Variants in PLD5 observed in about 807,000 individuals in gnomAD.
PLD5 encodes phospholipase D family member 5.
PLD5 carries 36 observed loss-of-function variants against 61.1 expected under a neutral mutation model. That is an observed-to-expected ratio of 0.59 (90% CI 0.45 to 0.78). The LOEUF is 0.78. PLD5 is among the 30% of genes least tolerant of loss of function. PLD5 has a pLI of 0.00. For missense variants in PLD5, 515 were observed against 644.4 expected, an observed-to-expected ratio of 0.80 and a Z score of 2.17; for synonymous variants, 243 against 242.8, an observed-to-expected ratio of 1.00 and a Z score of -0.01.
At chr1:242,318,368 C>T (rs1178142960) in intron 2 of PLD5, among the ~76,000 whole-genome samples, 1 of 152,172 alleles carries the variant, frequency 6.6e-6, no homozygotes, top group African/African-American at 2.4e-5. Context: ...TTTCCGACTC[C>T]TCTGCTGTCA....
chr1:242,405,532 T>C (rs1664187238), intron 1 of PLD5, among the ~76,000 whole-genome samples: 1 of 152,026 alleles, frequency 6.6e-6, no homozygotes, highest in African/African-American at 2.4e-5. Context: ...TGCTATTTCA[T>C]CCCAGACACC....
intron 1 of PLD5, among the ~76,000 whole-genome samples, chr1:242,423,765 G>A (rs12031714): frequency 0.066 from 10,096 of 152,114 alleles, 421 homozygotes; most frequent in African/African-American, 0.11. Flanking sequence ...TAGGCTCCAC[G>A]AGAAGGTCAT....
At chr1:242,413,614 A>G (rs149431100) in intron 1 of PLD5, among the ~76,000 whole-genome samples, 12 of 152,312 alleles carry the variant, frequency 7.9e-5, no homozygotes, top group South Asian at 4.1e-4. Context: ...GCATCTACAT[A>G]TAAGTTTAAT....
rs1317437701 is a variant in PLD5, at chr1:242,524,188, G to C, written c.89C>G (p.Ser30Cys). Residue 30 changes from serine to cysteine, a missense_variant, in exon 1 of 10, where the codon TCC becomes TGC. Physicochemically the swap from Ser to Cys is moderately radical, Grantham distance 112. Transcript: ENST00000536534. Reference sequence around the variant, plus strand: ...CGCGCCCACTCGGGTCAGGCTTGGGGAGGGCTCCTTGGGGCGGCTTTTGAG... The same window carrying C: ...CGCGCCCACTCGGGTCAGGCTTGGGCAGGGCTCCTTGGGGCGGCTTTTGAG... ...MRLKSRPKEP[S>C]PSLTRVGANF... 1 of 1,534,618 alleles carries C rather than the reference G, an allele frequency of 6.5e-7. No individual in the cohort carries two copies. Among genetic ancestry groups the C allele is most frequent in the Non-Finnish European group, 8.7e-7 (1 of 1,146,156 alleles).
intron 1 of PLD5, among the ~76,000 whole-genome samples, chr1:242,488,710 G>A (rs900904656): frequency 3.9e-5 from 6 of 152,026 alleles, no homozygotes; most frequent in Admixed American, 1.3e-4. Flanking sequence ...CACAATCAGC[G>A]AACCTTAATG....
At chr1:242,361,478 A>G (rs1661060878) in intron 1 of PLD5, among the ~76,000 whole-genome samples, 1 of 152,260 alleles carries the variant, frequency 6.6e-6, no homozygotes, top group South Asian at 2.1e-4. Context: ...ATCAATTCCA[A>G]CTACACTTTT....
intron 1 of PLD5, among the ~76,000 whole-genome samples, chr1:242,421,582 G>A (rs1469339858): frequency 1.3e-5 from 2 of 152,156 alleles, no homozygotes; most frequent in African/African-American, 4.8e-5. Context: ...GGTAGGGATT[G>A]AAGAAATGTG....
chr1:242,262,612 G>C (rs926610785), intron 4 of PLD5, among the ~76,000 whole-genome samples: 2 of 152,086 alleles, frequency 1.3e-5, no homozygotes, highest in Admixed American at 6.6e-5. Context: ...CCTGAAATAA[G>C]GCAGGTATGT....
At chr1:242,371,294 C>A (rs1034532023) in intron 1 of PLD5, among the ~76,000 whole-genome samples, 3 of 152,068 alleles carry the variant, frequency 2.0e-5, no homozygotes, top group African/African-American at 7.2e-5. Context: ...TCTAATCTAA[C>A]TTTGCCGTCA....
chr1:242,411,954 AGAGAGG>A (rs1664581920), intron 1 of PLD5, among the ~76,000 whole-genome samples: 3 of 151,262 alleles, frequency 2.0e-5, no homozygotes. Flanking sequence ...AAAAAAAAGG[AGAGAGG>A]GAGCTGTGAG....
At chr1:242,403,982 C>T (rs184569850) in intron 1 of PLD5, among the ~76,000 whole-genome samples, 32 of 152,262 alleles carry the variant, frequency 2.1e-4, no homozygotes, top group Non-Finnish European at 4.0e-4. Context: ...CACTTGGCTT[C>T]GGAAAAAATT....
At position 242,220,086 on chromosome 1, in the gene PLD5, C is replaced by G; in HGVS notation, c.637G>C (p.Ala213Pro). Residue 213 changes from alanine (A) to proline (P), a missense_variant, in exon 5 of 10, where the codon GCT (alanine) becomes CCT (proline). Transcript: ENST00000536534. ...GAEVTYMNMT[A>P]YNKGRLQSSF... ...GACTGCAGCCGGCCCTTGTTGTAAG[C>G]GGTCATGTTCATGTACGTCACCTCG... is the stretch of plus-strand genomic sequence containing the variant. The G allele has an allele frequency of 3.1e-6, 5 of 1,614,120 alleles. No homozygotes were observed. The highest frequency in any genetic ancestry group is 4.2e-6 in the Non-Finnish European group (5 of 1,180,000).
intron 1 of PLD5, among the ~76,000 whole-genome samples, chr1:242,461,892 T>A (rs1356285937): frequency 6.6e-6 from 1 of 152,210 alleles, no homozygotes; most frequent in East Asian, 1.9e-4. Context: ...TCAGTTCATG[T>A]CCTTTGCCCA....
chr1:242,344,764 C>T (rs1206359979), intron 2 of PLD5, among the ~76,000 whole-genome samples: 1 of 151,872 alleles, frequency 6.6e-6, no homozygotes, highest in African/African-American at 2.4e-5. Context: ...TTCACTATGT[C>T]AGGCCACTCT....
chr1:242,468,309 C>T (rs1422333021), intron 1 of PLD5, among the ~76,000 whole-genome samples: 1 of 152,140 alleles, frequency 6.6e-6, no homozygotes, highest in Non-Finnish European at 1.5e-5. Flanking sequence ...ACCTAATATA[C>T]AGACAAACTG....
At chr1:242,319,766 C>G (rs1212180623) in intron 2 of PLD5, among the ~76,000 whole-genome samples, 4 of 152,288 alleles carry the variant, frequency 2.6e-5, no homozygotes, top group African/African-American at 9.6e-5. Context: ...CTCCTCTACC[C>G]TCTGTTAATT....
intron 5 of PLD5, among the ~76,000 whole-genome samples, chr1:242,138,857 G>T (rs1398891241): frequency 6.6e-6 from 1 of 152,144 alleles, no homozygotes; most frequent in Non-Finnish European, 1.5e-5. Context: ...ACTCCTACCT[G>T]CCAGGATTAA....
chr1:242,220,727 T>A (rs141657508), intron 4 of PLD5, among the ~76,000 whole-genome samples: 43,834 of 147,746 alleles, frequency 0.3, 6,833 homozygotes, highest in East Asian at 0.51. Flanking sequence ...TTATTTTATT[T>A]TATTTTATTT....
intron 1 of PLD5, among the ~76,000 whole-genome samples, chr1:242,474,834 C>T (rs1033919249): frequency 6.6e-6 from 1 of 152,202 alleles, no homozygotes; most frequent in African/African-American, 2.4e-5. Context: ...ACCTTCTCTG[C>T]AAACTCTTCT....
Sources: allele counts gnomAD v4.1 joint callset (sites outside exome capture counted in the v4.1 genomes callset), GRCh38; gene constraint gnomAD v4.1.1; transcripts MANE v1.5; gene names NCBI Gene and HGNC (gene_info 2026-07-23, HGNC 2026-07-21).